FAM114A1: variants seen among roughly 807,000 people sequenced by gnomAD.
FAM114A1 encodes protein NOXP20.
In FAM114A1, 62 loss-of-function variants were observed where a neutral mutation model predicts 64.3. The observed-to-expected ratio is 0.96, with a 90% CI of 0.79 to 1.19. The LOEUF (loss-of-function observed/expected upper bound fraction) is 1.19. FAM114A1 is among the 50% of genes most tolerant of loss of function. The probability of loss-of-function intolerance (pLI) is 0.00; values close to 1 mark genes in which losing one functional copy is unlikely to be tolerated. For missense variants in FAM114A1, 645 were observed against 676.3 expected, an observed-to-expected ratio of 0.95 and a Z score of 0.51; for synonymous variants, 254 against 251.1, an observed-to-expected ratio of 1.01 and a Z score of -0.11.
intron 9 of FAM114A1, among the ~76,000 whole-genome samples, chr4:38,926,077 G>A (rs142703581): frequency 6.6e-6 from 1 of 152,286 alleles, no homozygotes; most frequent in African/African-American, 2.4e-5. Flanking sequence ...TTTCACGTTT[G>A]TTGCAGTATT....
chr4:38,924,779 T>C (rs1417407908), intron 9 of FAM114A1, among the ~76,000 whole-genome samples: 1 of 152,172 alleles, frequency 6.6e-6, no homozygotes, highest in African/African-American at 2.4e-5. Context: ...TAGCTCGCCT[T>C]GTGGACCCAG....
intron 9 of FAM114A1, among the ~76,000 whole-genome samples, chr4:38,923,641 G>C (rs981974854): frequency 6.6e-6 from 1 of 152,054 alleles, no homozygotes; most frequent in Non-Finnish European, 1.5e-5. Flanking sequence ...TTAATTTATA[G>C]GTGTAAGAGT....
chr4:38,929,283 GA>G lies in FAM114A1; in HGVS notation c.1112del (p.Glu371GlyfsTer19). On this transcript the variant is annotated frameshift_variant, in exon 10 of 15. Coordinates refer to ENST00000358869, the MANE Select transcript of FAM114A1 (RefSeq NM_138389.4). LOFTEE classifies it high-confidence loss of function. Reference sequence around the variant, plus strand: ...AGAAGAATTTGCTCGCATGCTTACAGAGCTTCTCTTTGAATTACATGTGGCG... The same window carrying G: ...AGAAGAATTTGCTCGCATGCTTACAGGCTTCTCTTTGAATTACATGTGGCG... ...KGEEFARMLT[E>X]LLFELHVAAT... The G allele has an allele frequency of 6.2e-7, 1 of 1,614,034 alleles. No homozygotes were observed. Among genetic ancestry groups the G allele is most frequent in the Non-Finnish European group, 8.5e-7 (1 of 1,179,956 alleles).
chr4:38,937,063 C>G (rs1721172868), intron 13 of FAM114A1, among the ~76,000 whole-genome samples: 1 of 152,178 alleles, frequency 6.6e-6, no homozygotes, highest in Non-Finnish European at 1.5e-5. Context: ...AAAATATTCC[C>G]TTTCACCTTC....
chr4:38,918,224 C>G (rs1032581764), intron 8 of FAM114A1, among the ~76,000 whole-genome samples: 1 of 152,016 alleles, frequency 6.6e-6, no homozygotes, highest in African/African-American at 2.4e-5. Context: ...AACTCCGTCT[C>G]AAAAAACATA....
chr4:38,935,593 G>GCATCTT (rs1196225705), intron 12 of FAM114A1, 125 bp from the exon 13 acceptor site: 12 of 603,668 alleles, frequency 2.0e-5, no homozygotes, highest in Non-Finnish European at 3.4e-5. Flanking sequence ...TTTCTGTAGA[G>GCATCTT]CATCTTCAAG....
At chr4:38,895,422 G>A (rs1212736587) in intron 4 of FAM114A1, among the ~76,000 whole-genome samples, 1 of 152,200 alleles carries the variant, frequency 6.6e-6, no homozygotes, top group African/African-American at 2.4e-5. Context: ...CTCCTGATTA[G>A]TTCAGGCGCA....
At chr4:38,924,887 C>G (rs1372869961) in intron 9 of FAM114A1, among the ~76,000 whole-genome samples, 1 of 152,136 alleles carries the variant, frequency 6.6e-6, no homozygotes, top group Non-Finnish European at 1.5e-5. Flanking sequence ...AGACCTTGGT[C>G]CTATTAAGGG....
chr4:38,922,229 C>T (rs1480076193), intron 8 of FAM114A1, among the ~76,000 whole-genome samples: 3 of 152,170 alleles, frequency 2.0e-5, no homozygotes, highest in African/African-American at 7.2e-5. Flanking sequence ...CGTGAGCCAC[C>T]GCGTCTGGCC....
At chr4:38,934,526 AT>A (rs1164034403) in intron 12 of FAM114A1, among the ~76,000 whole-genome samples, 1 of 152,182 alleles carries the variant, frequency 6.6e-6, no homozygotes, top group African/African-American at 2.4e-5. Context: ...AACATATAAG[AT>A]TCTTAACTTG....
At chr4:38,896,667 T>A (rs1716971278) in intron 4 of FAM114A1, among the ~76,000 whole-genome samples, 1 of 152,246 alleles carries the variant, frequency 6.6e-6, no homozygotes, top group Non-Finnish European at 1.5e-5. Context: ...GTTGAGCCAC[T>A]ATCTTGGGAT....
At chr4:38,896,057 C>A (rs1716908879) in intron 4 of FAM114A1, among the ~76,000 whole-genome samples, 1 of 152,088 alleles carries the variant, frequency 6.6e-6, no homozygotes, top group South Asian at 2.1e-4. Flanking sequence ...ATGGTTCTGG[C>A]TACATGCTGG....
At chr4:38,886,551 A>G (rs895624666) in intron 3 of FAM114A1, among the ~76,000 whole-genome samples, 1 of 152,128 alleles carries the variant, frequency 6.6e-6, no homozygotes, top group African/African-American at 2.4e-5. Flanking sequence ...CATTTTGTTC[A>G]TGTCGTGATT....
chr4:38,913,720 T>C (rs1168282993), intron 7 of FAM114A1, among the ~76,000 whole-genome samples: 1 of 152,218 alleles, frequency 6.6e-6, no homozygotes, highest in Non-Finnish European at 1.5e-5. Flanking sequence ...GCAGTAAGTA[T>C]ATGATGACAA....
rs370256219 is a variant in FAM114A1, at chr4:38,922,756, A to G, written c.946-14A>G. The G allele has an allele frequency of 6.2e-7, 1 of 1,605,862 alleles. No individual in the cohort carries two copies. Among genetic ancestry groups the G allele is most frequent in the Non-Finnish European group, 8.5e-7 (1 of 1,177,742 alleles). The stretch of plus-strand genomic sequence containing the variant: ...GAAAAGATGACAGTCGTGCTGACCT[A>G]TTTCTTTTTTCAGGTTCAGTCATTT... On this transcript the variant is annotated splice_polypyrimidine_tract_variant and intron_variant, in intron 8 of 14. Coordinates refer to ENST00000358869, the MANE Select transcript of FAM114A1 (RefSeq NM_138389.4).
At chr4:38,900,226 A>T (rs1383541178) in intron 4 of FAM114A1, among the ~76,000 whole-genome samples, 21 of 37,066 alleles carry the variant, frequency 5.7e-4, no homozygotes, top group Admixed American at 1.5e-3. Flanking sequence ...CGATTATTTT[A>T]AAAAAAAAAA....
chr4:38,906,828 T>A (rs1341420148), intron 6 of FAM114A1, among the ~76,000 whole-genome samples: 1 of 152,150 alleles, frequency 6.6e-6, no homozygotes, highest in Non-Finnish European at 1.5e-5. Context: ...AAGGTGTATT[T>A]CTTACTATGT....
At chr4:38,909,881 T>C (rs1718367057) in intron 7 of FAM114A1, among the ~76,000 whole-genome samples, 1 of 152,218 alleles carries the variant, frequency 6.6e-6, no homozygotes, top group Non-Finnish European at 1.5e-5. Context: ...TCCGATGTTA[T>C]AGTCCAGGGA....
intron 4 of FAM114A1, among the ~76,000 whole-genome samples, 192 bp downstream of exon 4, chr4:38,892,022 C>T (rs1716459662): frequency 6.6e-6 from 1 of 152,222 alleles, no homozygotes; most frequent in Non-Finnish European, 1.5e-5. Context: ...TATGGAGGAA[C>T]TGTTGTTTGC....
Sources: gnomAD v4.1 joint callset for allele counts (sites outside exome capture counted in the v4.1 genomes callset) on GRCh38, gnomAD v4.1.1 for gene constraint, MANE v1.5 for transcripts, NCBI Gene and HGNC (gene_info 2026-07-23, HGNC 2026-07-21) for gene names.